The following MYO9A variants were observed in gnomAD, a reference collection of about 807,000 sequenced individuals.
The protein encoded by MYO9A is myosin IXA, also known as unconventional myosin-IXa.
In MYO9A, 103 loss-of-function variants were observed where a neutral mutation model predicts 293.3. The ratio of observed to expected loss-of-function variants is 0.35; its 90% CI spans 0.30 to 0.41. The LOEUF is 0.41. MYO9A is among the 10% of genes least tolerant of loss of function. The probability of loss-of-function intolerance (pLI) is 1.00; values close to 1 mark genes in which losing one functional copy is unlikely to be tolerated. For synonymous variants in MYO9A, 1,001 were observed against 1,035.7 expected (o/e 0.97, Z 0.64); for missense variants, 2,685 against 3,033.0 (o/e 0.89, Z 2.69).
chr15:71,973,400 G>A (rs1450369171), intron 12 of MYO9A, among the ~76,000 whole-genome samples: 1 of 152,122 alleles, frequency 6.6e-6, no homozygotes, highest in Non-Finnish European at 1.5e-5. Flanking sequence ...GATTATGAGA[G>A]TAACTACATT....
chr15:71,901,410 T>C (rs2057479830), intron 22 of MYO9A, 70 bp from the exon 23 acceptor site: 2 of 1,464,674 alleles, frequency 1.4e-6, no homozygotes, highest in East Asian at 4.9e-5. Flanking sequence ...TGAATCATCC[T>C]TTCTGTGATA....
chr15:72,053,962 T>C (rs2078645901), intron 1 of MYO9A, among the ~76,000 whole-genome samples: 2 of 152,284 alleles, frequency 1.3e-5, no homozygotes, highest in South Asian at 2.1e-4. Flanking sequence ...ACAACAGTAA[T>C]TATATTATAT....
intron 2 of MYO9A, chr15:72,041,725 C>G (rs2078231147): frequency 6.0e-6 from 1 of 167,338 alleles, no homozygotes; most frequent in African/African-American, 2.4e-5. Context: ...ACCTGCGTAC[C>G]TGCACAGGTC....
At chr15:71,874,409 A>C (rs544889100) in intron 32 of MYO9A, among the ~76,000 whole-genome samples, 2 of 152,296 alleles carry the variant, frequency 1.3e-5, no homozygotes, top group East Asian at 3.9e-4. Flanking sequence ...CAGCAAATGT[A>C]GCTTAAACAG....
At position 72,046,253 on chromosome 15, in the gene MYO9A, C is replaced by G. The variant is rs145773022; in HGVS notation, c.311G>C (p.Arg104Pro). 1.9e-6 allele frequency: 3 copies of G among 1,613,820 alleles called. No homozygotes were observed. Among genetic ancestry groups the G allele is most frequent in the African/African-American group, 2.7e-5 (2 of 74,908 alleles). ...AAGGTTTTTCTCTCTCAGAAGGAAG[C>G]GGTAGTCCTCTCCACTTAAGCGATT... ...LENRLSGEDY[R>P]FLLREKNLDG... is the part of the protein sequence containing the mutation. The change falls in exon 2 of 42, where the codon CGC becomes CCC. Residue 104 changes from arginine (R) to proline (P), a missense_variant. Around this residue, in one of 10 missense-constraint regions of MYO9A, gnomAD observed 63 missense variants for 57.9 expected, o/e 1.09. Coordinates refer to ENST00000356056, the MANE Select transcript of MYO9A (RefSeq NM_006901.4).
intron 31 of MYO9A, 101 bp downstream of exon 31, chr15:71,877,939 A>G: frequency 1.9e-6 from 2 of 1,033,802 alleles, no homozygotes; most frequent in South Asian, 3.5e-5. Context: ...TTTTCTCAAA[A>G]TAAAATTTTT....
chr15:72,013,208 C>T (rs1401784178), intron 6 of MYO9A, among the ~76,000 whole-genome samples: 1 of 152,000 alleles, frequency 6.6e-6, no homozygotes, highest in Non-Finnish European at 1.5e-5. Flanking sequence ...GAGTTTAATC[C>T]CAAGGTTATC....
Position 71,879,715 on chromosome 15 carries a change from A to T in MYO9A, c.5739+6T>A, listed in dbSNP as rs1406271624. Reference sequence around the variant, plus strand: ...ACTAAATATCTCCTAACATAGTCCAACTCACCGCCAATGCAGATGAATAAA... The same window carrying T: ...ACTAAATATCTCCTAACATAGTCCATCTCACCGCCAATGCAGATGAATAAA... On this transcript the variant is annotated splice_donor_region_variant and intron_variant, in intron 30 of 41. Coordinates refer to ENST00000356056, the MANE Select transcript of MYO9A (RefSeq NM_006901.4). The T allele has an allele frequency of 6.3e-7, 1 of 1,596,118 alleles. No homozygotes were observed.
At chr15:71,924,349 C>T (rs2058235507) in intron 18 of MYO9A, among the ~76,000 whole-genome samples, 1 of 152,202 alleles carries the variant, frequency 6.6e-6, no homozygotes, top group African/African-American at 2.4e-5. Context: ...TCAAGCCATT[C>T]TCCTGCCTCA....
intron 11 of MYO9A, among the ~76,000 whole-genome samples, chr15:71,986,967 A>G (rs1458891997): frequency 6.6e-6 from 1 of 152,172 alleles, no homozygotes; most frequent in Non-Finnish European, 1.5e-5. Flanking sequence ...TGCAAGCTCT[A>G]ATCATGGGAG....
intron 1 of MYO9A, among the ~76,000 whole-genome samples, chr15:72,054,585 C>A (rs892203050): frequency 1.4e-5 from 2 of 145,076 alleles, no homozygotes; most frequent in African/African-American, 5.1e-5. Context: ...GCAGGAGAAT[C>A]ACTTGAACCC....
At chr15:71,867,523 G>A (rs1309641559) in intron 32 of MYO9A, among the ~76,000 whole-genome samples, 1 of 151,094 alleles carries the variant, frequency 6.6e-6, no homozygotes, top group Non-Finnish European at 1.5e-5. Context: ...AATGTACAGA[G>A]TTGCTACAAA....
intron 2 of MYO9A, among the ~76,000 whole-genome samples, chr15:72,038,043 A>G (rs1380597116): frequency 3.3e-5 from 5 of 151,900 alleles, no homozygotes; most frequent in Non-Finnish European, 7.4e-5. Flanking sequence ...GCCTTCCAAC[A>G]GTAGCTGGGA....
chr15:72,040,409 G>T (rs969354596), intron 2 of MYO9A: 1 of 152,282 alleles, frequency 6.6e-6, no homozygotes, highest in Non-Finnish European at 1.5e-5. Context: ...CCATTTGCAG[G>T]GGGGAGGAGC....
intron 33 of MYO9A, among the ~76,000 whole-genome samples, chr15:71,860,512 A>G (rs1317654264): frequency 6.6e-6 from 1 of 152,210 alleles, no homozygotes; most frequent in East Asian, 1.9e-4. Flanking sequence ...TTGTTACACT[A>G]GCTCTGGCTT....
At chr15:72,111,923 T>C (rs2151140936) in intron 1 of MYO9A, among the ~76,000 whole-genome samples, 1 of 152,240 alleles carries the variant, frequency 6.6e-6, no homozygotes, top group Admixed American at 6.5e-5. Flanking sequence ...TTATCCCCAA[T>C]TGAGAGATGA....
At position 71,880,433 on chromosome 15, in the gene MYO9A, T is replaced by G. The variant is rs757091194; in HGVS notation, c.5524A>C (p.Asn1842His). 6.2e-7 allele frequency: 1 copy of G among 1,614,232 alleles called. No homozygotes were observed. The highest frequency in any genetic ancestry group is 8.5e-7 in the Non-Finnish European group (1 of 1,180,024). ...CAATGCATAGAATCCAAAGCCACGT[T>G]GCTAATCTTCACACTTCGCTTGCGC... is the stretch of plus-strand genomic sequence containing the variant. ...AKRKRSVKIS[N>H]VALDSMHWQN... The change falls in exon 29 of 42, where the codon AAC becomes CAC. Residue 1842 changes from asparagine (N) to histidine (H), a missense_variant. Coordinates refer to ENST00000356056, the MANE Select transcript of MYO9A (RefSeq NM_006901.4).
Position 71,826,989 on chromosome 15 carries a change from C to G in MYO9A, c.7238G>C (p.Ser2413Thr). The G allele has an allele frequency of 2.5e-6, 4 of 1,612,794 alleles. No homozygotes were observed. The highest frequency in any genetic ancestry group is 2.5e-6 in the Non-Finnish European group (3 of 1,179,458). The stretch of plus-strand genomic sequence containing the variant: ...CTTTTTAAGTTGCTTTCGCAACTTG[C>G]TGGAAGGTTCAGACTTGCCAGCTGT... ...LKTAGKSEPSSKLRKQLKKQQ... is the reference protein window; with the variant it reads ...LKTAGKSEPSTKLRKQLKKQQ... The change falls in exon 42 of 42, where the codon AGC becomes ACC. Residue 2413 changes from serine (S) to threonine (T), a missense_variant. By Grantham distance (58) the Ser-to-Thr change is moderately conservative. Transcript: ENST00000356056.
At position 71,897,753 on chromosome 15, in the gene MYO9A, G is replaced by T. The variant is rs745389071; in HGVS notation, c.4750C>A (p.Leu1584Ile). The T allele has an allele frequency of 8.1e-6, 13 of 1,613,934 alleles. No homozygotes were observed. The highest frequency in any genetic ancestry group is 1.1e-5 in the Non-Finnish European group (13 of 1,180,012). ...GCAGAGGAACTGTCTTTTTGGGCAA[G>T]AGCTGCATCTTTTAATGATAGGGAC... ...LGSLSLKDAA[L>I]AQKDSSSAHL... Residue 1584 changes from leucine to isoleucine, a missense_variant, in exon 25 of 42, where the codon CTT becomes ATT. Transcript: ENST00000356056.
Sources: allele counts gnomAD v4.1 joint callset (sites outside exome capture counted in the v4.1 genomes callset), GRCh38; gene constraint gnomAD v4.1.1; regional missense constraint gnomAD v4.1.1; transcripts MANE v1.5; gene names NCBI Gene and HGNC (gene_info 2026-07-23, HGNC 2026-07-21).